Variants in DESI2 observed in about 807,000 individuals in gnomAD.
DESI2 encodes deubiquitinase DESI2.
DESI2 carries 10 observed loss-of-function variants against 24.1 expected under a neutral mutation model. The ratio of observed to expected loss-of-function variants is 0.41; its 90% CI spans 0.26 to 0.70. The LOEUF (loss-of-function observed/expected upper bound fraction) is 0.70, where lower values mean the gene tolerates loss of function less well. DESI2 is among the 30% of genes least tolerant of loss of function. The pLI is 0.29. For synonymous variants in DESI2, 71 were observed against 87.7 expected (o/e 0.81, Z 1.06); for missense variants, 122 against 234.9 (o/e 0.52, Z 3.14).
intron 1 of DESI2, among the ~76,000 whole-genome samples, chr1:244,681,494 G>A (rs1676612622): frequency 1.3e-5 from 2 of 152,080 alleles, no homozygotes; most frequent in Non-Finnish European, 2.9e-5. Context: ...GACCTGGGGC[G>A]GGGGAGGGAG....
intron 4 of DESI2, among the ~76,000 whole-genome samples, chr1:244,695,921 A>C (rs1382656385): frequency 6.6e-6 from 1 of 152,002 alleles, no homozygotes. Flanking sequence ...CTACAGGTAC[A>C]TGCCACTATG....
intron 1 of DESI2, among the ~76,000 whole-genome samples, chr1:244,679,529 A>G (rs1676528768): frequency 6.6e-6 from 1 of 152,246 alleles, no homozygotes; most frequent in East Asian, 1.9e-4. Flanking sequence ...AAAGTAAGTC[A>G]CAAACATAGC....
At chr1:244,693,946 C>T (rs372772618) in intron 4 of DESI2, among the ~76,000 whole-genome samples, 1 of 152,184 alleles carries the variant, frequency 6.6e-6, no homozygotes, top group Admixed American at 6.5e-5. Flanking sequence ...ATGATAGATG[C>T]AACTCCCATA....
At chr1:244,694,198 G>A (rs529864159) in intron 4 of DESI2, among the ~76,000 whole-genome samples, 2 of 152,280 alleles carry the variant, frequency 1.3e-5, no homozygotes, top group South Asian at 4.1e-4. Flanking sequence ...TTCCTCTACA[G>A]CAGGGATTAG....
At chr1:244,694,921 C>T (rs937949970) in intron 4 of DESI2, among the ~76,000 whole-genome samples, 2 of 152,316 alleles carry the variant, frequency 1.3e-5, no homozygotes, top group East Asian at 3.9e-4. Flanking sequence ...CTCTACTCTG[C>T]AAGATAGGTC....
intron 1 of DESI2, 99 bp downstream of exon 1, chr1:244,653,454 C>G (rs1573167561): frequency 7.8e-7 from 1 of 1,279,744 alleles, no homozygotes; most frequent in East Asian, 2.8e-5. Context: ...TGCCTGGCGT[C>G]TCCGCCTCCA....
intron 1 of DESI2, among the ~76,000 whole-genome samples, chr1:244,679,289 A>G (rs1676517798): frequency 1.3e-5 from 2 of 152,192 alleles, no homozygotes; most frequent in South Asian, 4.1e-4. Context: ...AGAAAGTAAG[A>G]GGATAGCAAG....
intron 1 of DESI2, among the ~76,000 whole-genome samples, chr1:244,679,609 G>A (rs934599737): frequency 2.6e-5 from 4 of 152,240 alleles, no homozygotes; most frequent in African/African-American, 7.2e-5. Context: ...GTTGGCTCAC[G>A]CCTGTAATCC....
Position 244,686,250 on chromosome 1 carries a change from C to CTGTGTGTG in DESI2, c.43-339_43-332dup, listed in dbSNP as rs767500032. On this transcript the variant is annotated intron_variant, in intron 1 of 4. Transcript: ENST00000302550. ...AGAAAAATAGATATGAAAGCACACT[C>CTGTGTGTG]TGTGTGTGTGTGTGTATGTGTGTGT... 5.7e-3 allele frequency among the ~76,000 whole-genome samples: 851 copies of CTGTGTGTG among 150,500 alleles called. 6 individuals are homozygous for CTGTGTGTG. The highest frequency in any genetic ancestry group is 0.014 in the Middle Eastern group (4 of 294).
At position 244,653,706 on chromosome 1, in the gene DESI2, C is replaced by G. The variant is rs1045872418; in HGVS notation, c.42+351C>G. 17 of 384,382 alleles carry G rather than the reference C, an allele frequency of 4.4e-5. No individual in the cohort carries two copies. The Admixed American group carries it at 6.5e-4, about 15-fold the overall frequency. 23.8% of individuals were successfully genotyped at this position (384,382 alleles called of 1,614,324 possible). A position where few individuals can be genotyped will look rare whatever the true frequency, so the allele number is the denominator to read the frequency against. On this transcript the variant is annotated intron_variant, in intron 1 of 4. Transcript: ENST00000302550. The stretch of plus-strand genomic sequence containing the variant: ...TGCGTTTCCAACCCCACTTGCCGGC[C>G]CCCGGGGCTGCCCCGGGACCCCCGT...
chr1:244,682,204 G>A (rs893092651), intron 1 of DESI2, among the ~76,000 whole-genome samples: 14 of 152,164 alleles, frequency 9.2e-5, no homozygotes, highest in Non-Finnish European at 2.1e-4. Flanking sequence ...TGGGTGGCCA[G>A]CTTTTAGTCC....
At chr1:244,687,272 A>G (rs1676857921) in intron 2 of DESI2, among the ~76,000 whole-genome samples, 1 of 152,204 alleles carries the variant, frequency 6.6e-6, no homozygotes, top group Admixed American at 6.5e-5. Flanking sequence ...TATTAGGATA[A>G]ACATGTCAGG....
At chr1:244,675,204 G>C (rs1464442894) in intron 1 of DESI2, among the ~76,000 whole-genome samples, 2 of 152,026 alleles carry the variant, frequency 1.3e-5, no homozygotes, top group Non-Finnish European at 2.9e-5. Context: ...TAAGTCCCTT[G>C]TCGGTATATG....
At position 244,706,337 on chromosome 1, in the gene DESI2, A is replaced by G. The variant is rs76525471; in HGVS notation, c.*548A>G. On this transcript the variant is annotated 3_prime_UTR_variant, in exon 5 of 5. Transcript: ENST00000302550. The stretch of plus-strand genomic sequence containing the variant: ...AGACTGGCCTGAGGTGAAGGAGCAC[A>G]CAGCCCTGAGGGCTTGGAACCCTGG... The G allele has an allele frequency of 1.1e-4, 18 of 158,502 alleles. No individual in the cohort carries two copies. The highest frequency in any genetic ancestry group is 3.1e-4 in the African/African-American group (13 of 41,360). The allele number at this position is 158,502 out of a possible 1,614,324, so 9.8% of individuals were successfully genotyped here. A position where few individuals can be genotyped will look rare whatever the true frequency, so the allele number is the denominator to read the frequency against.
At chr1:244,664,518 G>T (rs781002760) in intron 1 of DESI2, among the ~76,000 whole-genome samples, 1 of 152,204 alleles carries the variant, frequency 6.6e-6, no homozygotes, top group African/African-American at 2.4e-5. Context: ...GGCTGAGGTG[G>T]GTGGTAGTGG....
intron 1 of DESI2, among the ~76,000 whole-genome samples, chr1:244,654,664 A>G (rs1410015923): frequency 3.3e-5 from 5 of 152,236 alleles, no homozygotes. Context: ...CTAGAAAACC[A>G]TGGCACTTTG....
intron 1 of DESI2, among the ~76,000 whole-genome samples, chr1:244,682,480 G>C (rs959129622): frequency 6.6e-6 from 1 of 152,160 alleles, no homozygotes; most frequent in Non-Finnish European, 1.5e-5. Context: ...TATATGAAAA[G>C]ATATCCCAGG....
intron 1 of DESI2, among the ~76,000 whole-genome samples, chr1:244,663,803 G>T (rs992631655): frequency 6.6e-6 from 1 of 151,740 alleles, no homozygotes; most frequent in Non-Finnish European, 1.5e-5. Context: ...CGGATCATGA[G>T]GTCAGGAGAT....
chr1:244,679,786 G>A (rs187172441), intron 1 of DESI2, among the ~76,000 whole-genome samples: 32 of 148,614 alleles, frequency 2.2e-4, no homozygotes, highest in Middle Eastern at 7.0e-3. Flanking sequence ...AGAATCGCTC[G>A]AACCTGGGAG....
Sources: allele counts gnomAD v4.1 joint callset (sites outside exome capture counted in the v4.1 genomes callset), GRCh38; gene constraint gnomAD v4.1.1; transcripts MANE v1.5; gene names NCBI Gene and HGNC (gene_info 2026-07-23, HGNC 2026-07-21).